PRKCA: variants seen among roughly 807,000 people sequenced by gnomAD.
The protein encoded by PRKCA is protein kinase C alpha type.
PRKCA carries 27 observed loss-of-function variants against 87.0 expected under a neutral mutation model. The observed-to-expected ratio is 0.31, with a 90% CI of 0.23 to 0.43. The LOEUF is 0.43. Ranked by LOEUF, PRKCA falls within the 20% of genes least tolerant of loss-of-function variation. The pLI is 1.00. For synonymous variants in PRKCA, 329 were observed against 311.1 expected, an observed-to-expected ratio of 1.06 and a Z score of -0.61; for missense variants, 518 against 852.3, an observed-to-expected ratio of 0.61 and a Z score of 4.88.
chr17:66,504,334 A>G (rs1281493327), intron 3 of PRKCA, among the ~76,000 whole-genome samples: 1 of 152,046 alleles, frequency 6.6e-6, no homozygotes, highest in Non-Finnish European at 1.5e-5. Flanking sequence ...CACGCCTGTA[A>G]TCCCAGCACT....
chr17:66,477,474 C>T lies in PRKCA; in HGVS notation c.206-18727C>T, dbSNP rs557038238. On this transcript the variant is annotated intron_variant, in intron 2 of 16. Coordinates refer to ENST00000413366, the MANE Select transcript of PRKCA (RefSeq NM_002737.3). Reference sequence around the variant, plus strand: ...CAGCACTTTGGGAGACTGAGGCGGGCGGACCACCTGAAGTCAGGAGTTTGA... The same window carrying T: ...CAGCACTTTGGGAGACTGAGGCGGGTGGACCACCTGAAGTCAGGAGTTTGA... Among the ~76,000 whole-genome samples the T allele has an allele frequency of 3.2e-4, 48 of 152,046 alleles. No individual in the cohort carries two copies. The South Asian group carries it at 5.0e-3, about 16-fold the overall frequency.
At chr17:66,677,380 TA>T (rs1972366396) in intron 5 of PRKCA, 1 of 152,344 alleles carries the variant, frequency 6.6e-6, no homozygotes, top group African/African-American at 2.4e-5. Flanking sequence ...GTGCCTGGCC[TA>T]TTTTTTAAAT....
chr17:66,332,221 C>T (rs1432197216), intron 2 of PRKCA, among the ~76,000 whole-genome samples: 1 of 143,114 alleles, frequency 7.0e-6, no homozygotes, highest in East Asian at 2.0e-4. Flanking sequence ...TTCCTTCCTT[C>T]CTTCCTTCTT....
At chr17:66,651,439 G>A (rs1038301226) in intron 5 of PRKCA, among the ~76,000 whole-genome samples, 1 of 152,170 alleles carries the variant, frequency 6.6e-6, no homozygotes, top group East Asian at 1.9e-4. Flanking sequence ...TTCACAGTGA[G>A]CAGAGACCTT....
intron 13 of PRKCA, among the ~76,000 whole-genome samples, chr17:66,744,190 C>G (rs1974220854): frequency 6.6e-6 from 1 of 152,136 alleles, no homozygotes; most frequent in Non-Finnish European, 1.5e-5. Flanking sequence ...GATATGTGAT[C>G]TTGCTGCATA....
At chr17:66,495,666 C>T (rs1439111641) in intron 2 of PRKCA, among the ~76,000 whole-genome samples, 1 of 151,920 alleles carries the variant, frequency 6.6e-6, no homozygotes, top group Middle Eastern at 3.2e-3. Flanking sequence ...GATTATCCTG[C>T]CTCAACCTCC....
At chr17:66,533,192 G>A (rs1041368865) in intron 3 of PRKCA, among the ~76,000 whole-genome samples, 3 of 152,184 alleles carry the variant, frequency 2.0e-5, no homozygotes, top group African/African-American at 7.2e-5. Flanking sequence ...CAGCAGTAAA[G>A]TCATAGGCCC....
At chr17:66,316,947 C>A (rs1347092182) in intron 2 of PRKCA, among the ~76,000 whole-genome samples, 1 of 152,078 alleles carries the variant, frequency 6.6e-6, no homozygotes, top group East Asian at 1.9e-4. Context: ...TCGAGACCAT[C>A]CTGGCTAACA....
chr17:66,741,400 G>T (rs1176571966), intron 11 of PRKCA, among the ~76,000 whole-genome samples: 2 of 152,306 alleles, frequency 1.3e-5, no homozygotes, highest in East Asian at 1.9e-4. Context: ...TACTCTGCAG[G>T]CAATAAGCTA....
chr17:66,672,733 T>G (rs1045585943), intron 5 of PRKCA, among the ~76,000 whole-genome samples: 1 of 152,262 alleles, frequency 6.6e-6, no homozygotes, highest in African/African-American at 2.4e-5. Context: ...ATTGATTAAA[T>G]AAATTCTGAT....
chr17:66,809,928 C>G lies in PRKCA; in HGVS notation c.*5891C>G, dbSNP rs967504369. On this transcript the variant is annotated 3_prime_UTR_variant, in exon 17 of 17. Coordinates refer to ENST00000413366, the MANE Select transcript of PRKCA (RefSeq NM_002737.3). The stretch of plus-strand genomic sequence containing the variant: ...ACCCGCCTGGTCCCCAGGTCTCTCA[C>G]CTTGGGTGAAGATTCAGAGATGCCC... The G allele has an allele frequency of 6.6e-6, 1 of 152,190 alleles. No homozygotes were observed. The highest frequency in any genetic ancestry group is 1.5e-5 in the Non-Finnish European group (1 of 68,036). The allele number at this position is 152,190 out of a possible 1,614,324, so 9.4% of individuals were successfully genotyped here.
chr17:66,632,914 A>G (rs1336031095), intron 3 of PRKCA, among the ~76,000 whole-genome samples: 1 of 152,202 alleles, frequency 6.6e-6, no homozygotes, highest in African/African-American at 2.4e-5. Context: ...ACTCATAAGA[A>G]ACCTACTAGC....
chr17:66,530,615 G>T (rs1186002717), intron 3 of PRKCA, among the ~76,000 whole-genome samples: 2 of 152,082 alleles, frequency 1.3e-5, no homozygotes. Context: ...GCAGGTGTTG[G>T]CTTCCAAACC....
At chr17:66,469,386 G>GTGACATA (rs1915226906) in intron 2 of PRKCA, among the ~76,000 whole-genome samples, 1 of 152,148 alleles carries the variant, frequency 6.6e-6, no homozygotes, top group Non-Finnish European at 1.5e-5. Flanking sequence ...AAAACTTTTA[G>GTGACATA]TGACATATGC....
intron 3 of PRKCA, among the ~76,000 whole-genome samples, chr17:66,618,656 T>C (rs941910433): frequency 6.6e-6 from 1 of 152,210 alleles, no homozygotes; most frequent in Non-Finnish European, 1.5e-5. Context: ...CAAGGGATTA[T>C]AGTATTTGAG....
chr17:66,451,047 G>A (rs7207499), intron 2 of PRKCA, among the ~76,000 whole-genome samples: 36,660 of 152,092 alleles, frequency 0.24, 4,673 homozygotes, highest in African/African-American at 0.29. Flanking sequence ...TGTGTTTCCA[G>A]TGATCTATAA....
intron 2 of PRKCA, among the ~76,000 whole-genome samples, chr17:66,359,884 A>C (rs1041017240): frequency 1.1e-4 from 16 of 152,214 alleles, no homozygotes; most frequent in African/African-American, 3.9e-4. Flanking sequence ...AACTGGATTA[A>C]GTAATTATTT....
chr17:66,349,817 T>G (rs1035260710), intron 2 of PRKCA, among the ~76,000 whole-genome samples: 1 of 152,158 alleles, frequency 6.6e-6, no homozygotes, highest in Non-Finnish European at 1.5e-5. Context: ...CTGCCTCCAG[T>G]GTCTCTTATT....
chr17:66,641,274 TG>T (rs1487033989), intron 3 of PRKCA, 80 bp from the exon 4 acceptor site: 2 of 878,690 alleles, frequency 2.3e-6, no homozygotes, highest in Non-Finnish European at 3.7e-6. Flanking sequence ...GGCTGGGGAG[TG>T]GTGGGGCCTG....
Sources: allele counts gnomAD v4.1 joint callset (sites outside exome capture counted in the v4.1 genomes callset), GRCh38; gene constraint gnomAD v4.1.1; transcripts MANE v1.5; gene names NCBI Gene and HGNC (gene_info 2026-07-23, HGNC 2026-07-21).